LDAF1: variants seen among roughly 807,000 people sequenced by gnomAD.
LDAF1 encodes lipid droplet assembly factor 1.
In LDAF1, 7 loss-of-function variants were observed where a neutral mutation model predicts 13.5. The ratio of observed to expected loss-of-function variants is 0.52; its 90% CI spans 0.29 to 0.97. The LOEUF (loss-of-function observed/expected upper bound fraction) is 0.97. Ranked by LOEUF, LDAF1 falls within the 50% of genes least tolerant of loss-of-function variation. LDAF1 has a pLI of 0.07. For missense variants in LDAF1, 148 were observed against 193.2 expected, an observed-to-expected ratio of 0.77 and a Z score of 1.39; for synonymous variants, 69 against 77.1, an observed-to-expected ratio of 0.89 and a Z score of 0.55.
At chr16:21,159,578 T>C in intron 1 of LDAF1, 1 of 837,560 alleles carries the variant, frequency 1.2e-6, no homozygotes, top group Non-Finnish European at 1.9e-6. Flanking sequence ...GGTGTTGGCC[T>C]GGCCCAGTCC....
At position 21,166,906 on chromosome 16, in the gene LDAF1, TC is replaced by T. The variant is rs1387698428; in HGVS notation, c.97-3529del. The stretch of plus-strand genomic sequence containing the variant: ...AGTGTCCAGGCTGGGCAGTGCTGGC[TC>T]CAAGGTGATTCCTGCTACAGTCATC... On this transcript the variant is annotated intron_variant, in intron 2 of 4. Transcript: ENST00000233047. The T allele has an allele frequency of 2.0e-5, 31 of 1,535,622 alleles. 1 individual carries two copies. The African/African-American group carries it at 4.1e-4, about 20-fold the overall frequency.
Position 21,170,563 on chromosome 16 carries a change from C to T in LDAF1, c.223C>T (p.Leu75Phe). 1 of 1,614,166 alleles carries T rather than the reference C, an allele frequency of 6.2e-7. No homozygotes were observed. The highest frequency in any genetic ancestry group is 1.3e-5 in the African/African-American group (1 of 75,032). The change falls in exon 3 of 5, where the codon CTT becomes TTT. Residue 75 changes from leucine to phenylalanine, a missense_variant. Transcript: ENST00000233047. ...TGGATTCTTCCTGCTCATCGTGGTG[C>T]TTACCACCCTGGCTGCTCTGCTGGG... is the stretch of plus-strand genomic sequence containing the variant. Reference protein sequence around the residue: ...PVGFFLLIVVLTTLAALLGVI... With the variant: ...PVGFFLLIVVFTTLAALLGVI...
At chr16:21,172,999 C>T (rs2152848362) in intron 3 of LDAF1, 1 of 211,432 alleles carries the variant, frequency 4.7e-6, no homozygotes, top group Non-Finnish European at 8.2e-6. Context: ...TTCCTTCTAC[C>T]TTTTATTCTT....
intron 2 of LDAF1, among the ~76,000 whole-genome samples, chr16:21,167,697 T>TTTTTTTG (rs1491397691): frequency 8.4e-5 from 2 of 23,758 alleles, no homozygotes; most frequent in Admixed American, 5.9e-4. Context: ...CTTAGGTTTG[T>TTTTTTTG]TTTTTTTTTT....
chr16:21,180,572 A>G lies in LDAF1; in HGVS notation c.*1016A>G, dbSNP rs2093173229. ...TTTCTTAAAATAAAAATGCTAAAGGACTAGTAAGTAAAAATAAAACTTCCT... is the reference window on the plus strand; with the variant it reads ...TTTCTTAAAATAAAAATGCTAAAGGGCTAGTAAGTAAAAATAAAACTTCCT... On this transcript the variant is annotated 3_prime_UTR_variant, in exon 5 of 5. Coordinates refer to ENST00000233047, the MANE Select transcript of LDAF1 (RefSeq NM_001301771.2). 2 of 152,292 alleles carry G rather than the reference A, an allele frequency of 1.3e-5. No individual in the cohort carries two copies. Among genetic ancestry groups the G allele is most frequent in the South Asian group, 4.1e-4 (2 of 4,830 alleles). The allele number at this position is 152,292 out of a possible 1,614,324, so 9.4% of individuals were successfully genotyped here.
At chr16:21,170,233 C>A (rs2093073338) in intron 2 of LDAF1, 1 of 891,222 alleles carries the variant, frequency 1.1e-6, no homozygotes, top group South Asian at 5.2e-5. Context: ...AAGCTCCCAA[C>A]CTCAGGTGAT....
chr16:21,177,972 C>T lies in LDAF1; in HGVS notation c.405-1503C>T, dbSNP rs1368787558. 2.6e-5 allele frequency among the ~76,000 whole-genome samples: 4 copies of T among 151,730 alleles called. No individual in the cohort carries two copies. The South Asian group carries it at 6.2e-4, about 24-fold the overall frequency. ...AAAGATAACTCCCTCATTAAATGAT[C>T]GAAAGCATGGAATGGGGGGAAGAGG... On this transcript the variant is annotated intron_variant, in intron 4 of 4. Transcript: ENST00000233047.
Position 21,173,865 on chromosome 16 carries a change from T to C in LDAF1, c.266-145T>C. On this transcript the variant is annotated intron_variant, in intron 3 of 4. Transcript: ENST00000233047. ...CATATCGCCTCCTTTTTTTAAGTGA[T>C]GCTAGAAATCTGGGTTTTTGTGGGA... 4 of 861,774 alleles carry C rather than the reference T, an allele frequency of 4.6e-6. No homozygotes were observed. The South Asian group carries it at 8.1e-5, about 18-fold the overall frequency. The allele number at this position is 861,774 out of a possible 1,614,324, so 53.4% of individuals were successfully genotyped here.
chr16:21,163,011 T>A (rs2092990986), intron 2 of LDAF1, among the ~76,000 whole-genome samples: 1 of 152,246 alleles, frequency 6.6e-6, no homozygotes, highest in African/African-American at 2.4e-5. Flanking sequence ...CATGTTAATA[T>A]ATATTGTTGA....
intron 2 of LDAF1, among the ~76,000 whole-genome samples, chr16:21,163,888 C>T (rs1006189110): frequency 6.6e-6 from 1 of 151,998 alleles, no homozygotes; most frequent in African/African-American, 2.4e-5. Context: ...TTAGTAGAGA[C>T]GGGGTTTCTC....
chr16:21,172,512 A>C (rs1199005036), intron 3 of LDAF1, among the ~76,000 whole-genome samples: 2 of 152,166 alleles, frequency 1.3e-5, no homozygotes, highest in Non-Finnish European at 2.9e-5. Context: ...CTGTAGTCCC[A>C]GCTACTCAGA....
intron 2 of LDAF1, 29 bp from the exon 3 acceptor site, chr16:21,170,408 A>G (rs1374946722): frequency 1.2e-6 from 2 of 1,612,824 alleles, no homozygotes; most frequent in South Asian, 1.1e-5. Context: ...TGTGTTACTT[A>G]TCCCTGGCTC....
intron 1 of LDAF1, chr16:21,159,988 A>G: frequency 1.0e-6 from 1 of 984,940 alleles, no homozygotes; most frequent in Non-Finnish European, 1.2e-6. Flanking sequence ...TCCCCTCCAA[A>G]GGGTTTCTTG....
intron 2 of LDAF1, among the ~76,000 whole-genome samples, chr16:21,166,418 C>T (rs1303903411): frequency 6.6e-6 from 1 of 152,142 alleles, no homozygotes; most frequent in African/African-American, 2.4e-5. Flanking sequence ...TTTCCAACAA[C>T]TGAATCAAGT....
At chr16:21,167,708 T>TTTTTTTTTTTTTTTC in intron 2 of LDAF1, among the ~76,000 whole-genome samples, 1 of 146,478 alleles carries the variant, frequency 6.8e-6, no homozygotes, top group South Asian at 2.2e-4. Flanking sequence ...TTTTTTTTTT[T>TTTTTTTTTTTTTTTC]TGAAAAGGAG....
At chr16:21,178,548 C>G (rs1298164825) in intron 4 of LDAF1, 5 of 241,662 alleles carry the variant, frequency 2.1e-5, no homozygotes, top group Non-Finnish European at 2.7e-5. Flanking sequence ...ACATACCAGG[C>G]ACCTTTTGCC....
intron 2 of LDAF1, among the ~76,000 whole-genome samples, chr16:21,167,921 G>A (rs2093041522): frequency 1.3e-5 from 2 of 149,212 alleles, no homozygotes; most frequent in Non-Finnish European, 3.0e-5. Flanking sequence ...CGGGAGAATG[G>A]CTTGAACCCG....
intron 4 of LDAF1, 184 bp from the exon 5 acceptor site, chr16:21,179,291 C>T: frequency 1.1e-6 from 1 of 925,362 alleles, no homozygotes; most frequent in Non-Finnish European, 1.3e-6. Context: ...CTACTCCTAA[C>T]CTGGTCATTT....
chr16:21,178,385 TCTTA>T, intron 4 of LDAF1: 1 of 985,412 alleles, frequency 1.0e-6, no homozygotes, highest in Non-Finnish European at 1.2e-6. Flanking sequence ...AAGGCTTCTT[TCTTA>T]GTTTTTTGTT....
Sources: allele counts gnomAD v4.1 joint callset (sites outside exome capture counted in the v4.1 genomes callset), GRCh38; gene constraint gnomAD v4.1.1; transcripts MANE v1.5; gene names NCBI Gene and HGNC (gene_info 2026-07-23, HGNC 2026-07-21).